DNMT3A: variants seen among roughly 807,000 people sequenced by gnomAD.
DNMT3A encodes the protein DNA methyltransferase 3 alpha.
DNMT3A carries 267 observed loss-of-function variants against 117.6 expected under a neutral mutation model. The ratio of observed to expected loss-of-function variants is 2.27; its 90% CI spans 2.05 to 2.51. The LOEUF is 2.51. Ranked by LOEUF, DNMT3A falls within the 30% of genes most tolerant of loss-of-function variation. DNMT3A has a pLI of 0.00. For synonymous variants in DNMT3A, 432 were observed against 474.8 expected (o/e 0.91, Z 1.17); for missense variants, 1,029 against 1,260.2 (o/e 0.82, Z 2.78).
At chr2:25,331,097 GC>G (rs1193489742) in intron 1 of DNMT3A, among the ~76,000 whole-genome samples, 1 of 152,188 alleles carries the variant, frequency 6.6e-6, no homozygotes, top group Non-Finnish European at 1.5e-5. Flanking sequence ...AACAACACCA[GC>G]CTGTGAAGTT....
chr2:25,300,749 ATATATATATATATATATAT>A (rs1558723020), intron 2 of DNMT3A, among the ~76,000 whole-genome samples: 31 of 58,250 alleles, frequency 5.3e-4, no homozygotes, highest in Non-Finnish European at 9.7e-4. Flanking sequence ...ATATATATAT[ATATATATATATATATATAT>A]AAATAATACA....
rs570070915 is a variant in DNMT3A at position 25,264,178 on chromosome 2, C to T, written c.639+10763G>A. On this transcript the variant is annotated intron_variant, in intron 6 of 22. Transcript: ENST00000321117. ...TTTTTGAGACAAGGTCTCGCTCTGT[C>T]GCCCAGGCTGGAGTGCAGTGGCGCA... 4.1e-4 allele frequency among the ~76,000 whole-genome samples: 46 copies of T among 113,056 alleles called. No individual in the cohort carries two copies. The South Asian group carries it at 4.1e-3, about 10-fold the overall frequency. 74.2% of individuals were successfully genotyped at this position (113,056 alleles called of 152,430 possible).
intron 6 of DNMT3A, among the ~76,000 whole-genome samples, chr2:25,263,832 A>G (rs1010731529): frequency 6.6e-6 from 1 of 152,174 alleles, no homozygotes; most frequent in African/African-American, 2.4e-5. Context: ...GTTCAGGTCA[A>G]TGGCGGTACA....
At chr2:25,326,186 T>C (rs1245553817) in intron 1 of DNMT3A, among the ~76,000 whole-genome samples, 1 of 151,838 alleles carries the variant, frequency 6.6e-6, no homozygotes, top group Non-Finnish European at 1.5e-5. Context: ...TTTTCTTCTT[T>C]TTTTCTCCTT....
chr2:25,341,904 T>TCGCCGC lies in DNMT3A; in HGVS notation c.-262_-257dup. The TCGCCGC allele has an allele frequency of 4.1e-6, 4 of 976,636 alleles. No individual in the cohort carries two copies. The highest frequency in any genetic ancestry group is 4.8e-6 in the Non-Finnish European group (4 of 826,490). 60.5% of individuals were successfully genotyped at this position (976,636 alleles called of 1,614,324 possible). ...CCGCGTCCCGGCTCGTCCTCTGCTC[T>TCGCCGC]CGCCGCCGCCGCCGCCCGCGCGCCC... On this transcript the variant is annotated 5_prime_UTR_variant, in exon 1 of 23. Transcript: ENST00000321117.
rs553503993 is a variant in DNMT3A at position 25,294,920 on chromosome 2, G to A, written c.177+5219C>T. 1.3e-5 allele frequency among the ~76,000 whole-genome samples: 2 copies of A among 152,268 alleles called. No homozygotes were observed. Among genetic ancestry groups the A allele is most frequent in the East Asian group, 3.9e-4 (2 of 5,184 alleles). ...TCCCATTCTGGGTTATTCTTAGCAGGAGGTGACCTCAGAGTGCTCCCTCTG... is the reference window on the plus strand; with the variant it reads ...TCCCATTCTGGGTTATTCTTAGCAGAAGGTGACCTCAGAGTGCTCCCTCTG... On this transcript the variant is annotated intron_variant, in intron 3 of 22. Coordinates refer to ENST00000321117, the MANE Select transcript of DNMT3A (RefSeq NM_022552.5). The surrounding 1 kb of genome is among the most constrained non-coding windows in gnomAD (Gnocchi z 4.7).
At chr2:25,278,125 C>G (rs1055083183) in intron 4 of DNMT3A, among the ~76,000 whole-genome samples, 3 of 152,144 alleles carry the variant, frequency 2.0e-5, no homozygotes, top group Admixed American at 1.3e-4. Flanking sequence ...TCTCTCAGTA[C>G]GGCCTATGCA....
At chr2:25,267,047 T>C (rs1206730219) in intron 6 of DNMT3A, among the ~76,000 whole-genome samples, 1 of 152,002 alleles carries the variant, frequency 6.6e-6, no homozygotes, top group Non-Finnish European at 1.5e-5. Context: ...AATAAAACCA[T>C]GGGAATCCAC....
chr2:25,244,595 T>TGCAGTAGGACTGGTAGCCGTCGTCGTCG lies in DNMT3A; in HGVS notation c.1584_1611dup (p.Thr538ArgfsTer17). 1 of 1,614,170 alleles carries TGCAGTAGGACTGGTAGCCGTCGTCGTCG rather than the reference T, an allele frequency of 6.2e-7. No homozygotes were observed. Among genetic ancestry groups the TGCAGTAGGACTGGTAGCCGTCGTCGTCG allele is most frequent in the Non-Finnish European group, 8.5e-7 (1 of 1,180,004 alleles). ...ACCTCACGGCCCCCACAGCAGATGG[T>TGCAGTAGGACTGGTAGCCGTCGTCGTCG]GCAGTAGGACTGGTAGCCGTCGTCG... On this transcript the variant is annotated frameshift_variant, in exon 14 of 23. Coordinates refer to ENST00000321117, the MANE Select transcript of DNMT3A (RefSeq NM_022552.5). LOFTEE classifies it high-confidence loss of function.
chr2:25,278,001 T>TCACACA (rs71397475), intron 4 of DNMT3A, among the ~76,000 whole-genome samples: 3,644 of 90,520 alleles, frequency 0.04, 82 homozygotes, highest in East Asian at 0.13. Flanking sequence ...ACTTGAGTGA[T>TCACACA]CACACACACA....
intron 6 of DNMT3A, 88 bp downstream of exon 6, chr2:25,274,853 G>T: frequency 6.5e-7 from 1 of 1,529,608 alleles, no homozygotes; most frequent in Non-Finnish European, 8.8e-7. Flanking sequence ...AGTTCTAAGG[G>T]TTAGCCTGAA....
intron 1 of DNMT3A, among the ~76,000 whole-genome samples, chr2:25,334,059 G>C (rs1045172907): frequency 6.6e-6 from 1 of 152,206 alleles, no homozygotes; most frequent in African/African-American, 2.4e-5. Context: ...TTTTATGTCT[G>C]TTCCTGCCTT....
chr2:25,296,466 G>A lies in DNMT3A; in HGVS notation c.177+3673C>T, dbSNP rs1230174290. Among the ~76,000 whole-genome samples the A allele has an allele frequency of 6.6e-6, 1 of 152,108 alleles. No homozygotes were observed. The highest frequency in any genetic ancestry group is 1.5e-5 in the Non-Finnish European group (1 of 68,014). Reference sequence around the variant, plus strand: ...AGGAGTGGTCAGATGGTGAGGGGCTGGAATTCAGATCTTGTCCCCTAAAAA... The same window carrying A: ...AGGAGTGGTCAGATGGTGAGGGGCTAGAATTCAGATCTTGTCCCCTAAAAA... On this transcript the variant is annotated intron_variant, in intron 3 of 22. Coordinates refer to ENST00000321117, the MANE Select transcript of DNMT3A (RefSeq NM_022552.5). This position sits in a 1 kb window ranked among gnomAD's most constrained non-coding sequence, Gnocchi z 4.2.
At chr2:25,309,911 T>G (rs1048992249) in intron 2 of DNMT3A, among the ~76,000 whole-genome samples, 1 of 151,428 alleles carries the variant, frequency 6.6e-6, no homozygotes, top group Non-Finnish European at 1.5e-5. Context: ...TACAAAAAAT[T>G]AGCTGGGCAT....
intron 1 of DNMT3A, among the ~76,000 whole-genome samples, chr2:25,321,172 TA>T (rs879295575): frequency 1.5e-3 from 213 of 141,348 alleles, no homozygotes; most frequent in Middle Eastern, 7.2e-3. Flanking sequence ...AAGTCAGTAG[TA>T]AAAAAAAAAA....
In DNMT3A at chr2:25,236,858, G is replaced by T; in HGVS notation, c.2478+78C>A. 1 of 1,457,696 alleles carries T rather than the reference G, an allele frequency of 6.9e-7. No individual in the cohort carries two copies. Among genetic ancestry groups the T allele is most frequent in the Non-Finnish European group, 9.4e-7 (1 of 1,066,600 alleles). The allele number at this position is 1,457,696 out of a possible 1,614,324, so 90.3% of individuals were successfully genotyped here. On this transcript the variant is annotated intron_variant, in intron 21 of 22. Coordinates refer to ENST00000321117, the MANE Select transcript of DNMT3A (RefSeq NM_022552.5). This position sits in a 1 kb window ranked among gnomAD's most constrained non-coding sequence, Gnocchi z 4.5. ...TAGCTGGAGAAGCAGGCGGGACAAG[G>T]CCCTGGCCACCGCTCCACCTCATCC...
At position 25,327,341 on chromosome 2, in the gene DNMT3A, G is replaced by A. The variant is rs1462467115; in HGVS notation, c.-177-13180C>T. Among the ~76,000 whole-genome samples the A allele has an allele frequency of 2.0e-5, 3 of 152,040 alleles. No individual in the cohort carries two copies. Among genetic ancestry groups the A allele is most frequent in the African/African-American group, 7.3e-5 (3 of 41,366 alleles). ...CCAAAGGGCTTTTTTCCATCCTCAT[G>A]GCCCTTGAGCTCAATTCAACATCCT... On this transcript the variant is annotated intron_variant, in intron 1 of 22. Coordinates refer to ENST00000321117, the MANE Select transcript of DNMT3A (RefSeq NM_022552.5). The surrounding 1 kb of genome is among the most constrained non-coding windows in gnomAD (Gnocchi z 4.1).
At chr2:25,299,531 C>G (rs939902861) in intron 3 of DNMT3A, among the ~76,000 whole-genome samples, 1 of 152,208 alleles carries the variant, frequency 6.6e-6, no homozygotes, top group Admixed American at 6.5e-5. Flanking sequence ...TCTTGCTTCC[C>G]TTCCAGAGGG....
chr2:25,245,903 G>C, intron 12 of DNMT3A, 117 bp downstream of exon 12: 1 of 1,259,372 alleles, frequency 7.9e-7, no homozygotes, highest in Non-Finnish European at 1.2e-6. Context: ...CGGTGAAGGT[G>C]GTGTGACACG....
Sources: allele counts gnomAD v4.1 joint callset (sites outside exome capture counted in the v4.1 genomes callset), GRCh38; gene constraint gnomAD v4.1.1; non-coding constraint Gnocchi (gnomAD v3.1); transcripts MANE v1.5; gene names NCBI Gene and HGNC (gene_info 2026-07-23, HGNC 2026-07-21).